The following KCNU1 variants were observed in gnomAD, a reference collection of about 807,000 sequenced individuals.
KCNU1 encodes the protein potassium channel subfamily U member 1.
In KCNU1, 93 loss-of-function variants were observed where a neutral mutation model predicts 126.8. The observed-to-expected ratio is 0.73, with a 90% CI of 0.62 to 0.87. The LOEUF (loss-of-function observed/expected upper bound fraction) is 0.87. Among genes scored for constraint, KCNU1 ranks in the 40% least tolerant of loss-of-function variants. The pLI, the probability that KCNU1 is intolerant of heterozygous loss-of-function variation, is 0.00. For synonymous variants in KCNU1, 523 were observed against 494.2 expected, an observed-to-expected ratio of 1.06 and a Z score of -0.77; for missense variants, 1,330 against 1,367.1, an observed-to-expected ratio of 0.97 and a Z score of 0.43.
At chr8:36,934,115 G>C (rs1808783926) in intron 26 of KCNU1, among the ~76,000 whole-genome samples, 1 of 152,088 alleles carries the variant, frequency 6.6e-6, no homozygotes, top group African/African-American at 2.4e-5. Flanking sequence ...AGTCAGCTGT[G>C]TGATTTATTG....
chr8:36,785,804 A>G (rs1425849735), intron 1 of KCNU1, among the ~76,000 whole-genome samples: 1 of 152,090 alleles, frequency 6.6e-6, no homozygotes, highest in Non-Finnish European at 1.5e-5. Flanking sequence ...CTTCTCCATT[A>G]TGTTCATTTT....
At chr8:36,800,310 G>C (rs10090112) in intron 2 of KCNU1, among the ~76,000 whole-genome samples, 38,215 of 151,996 alleles carry the variant, frequency 0.25, 5,908 homozygotes, top group African/African-American at 0.42. Context: ...CAACTATCCT[G>C]TAACTAAACA....
At chr8:36,912,839 A>G (rs1472738827) in intron 22 of KCNU1, among the ~76,000 whole-genome samples, 3 of 151,114 alleles carry the variant, frequency 2.0e-5, no homozygotes, top group Non-Finnish European at 4.4e-5. Context: ...GTGGTGGCGC[A>G]CGCCTGTAAT....
intron 19 of KCNU1, among the ~76,000 whole-genome samples, chr8:36,865,784 A>C: frequency 6.6e-6 from 1 of 150,644 alleles, no homozygotes; most frequent in East Asian, 1.9e-4. Flanking sequence ...AAAAAAAAAA[A>C]AAAAAAAAAA....
intron 18 of KCNU1, among the ~76,000 whole-genome samples, chr8:36,864,111 C>A (rs1805818748): frequency 6.6e-6 from 1 of 152,068 alleles, no homozygotes; most frequent in African/African-American, 2.4e-5. Flanking sequence ...CATGCTGTAG[C>A]AAATGCACTT....
At position 36,845,866 on chromosome 8, in the gene KCNU1, G is replaced by A. The variant is rs1805125890; in HGVS notation, c.1858G>A (p.Gly620Ser). ...VFIPELITNCGCKSRSRQHIT... is the reference protein window; with the variant it reads ...VFIPELITNCSCKSRSRQHIT... ...CATTCCTGAGCTAATTACAAACTGT[G>A]GCTGCAAAAGCAGAAGCCGGCAGCA... Residue 620 changes from glycine to serine, a missense_variant, in exon 18 of 27, where the codon GGC becomes AGC. This residue lies in a region of KCNU1 where 1,054 missense variants were observed against 1,053.9 expected (regional missense o/e 1.00). Coordinates refer to ENST00000399881, the MANE Select transcript of KCNU1 (RefSeq NM_001031836.3). 2 of 1,605,636 alleles carry A rather than the reference G, an allele frequency of 1.2e-6. No individual in the cohort carries two copies. Among genetic ancestry groups the A allele is most frequent in the African/African-American group, 1.3e-5 (1 of 74,958 alleles).
intron 14 of KCNU1, among the ~76,000 whole-genome samples, chr8:36,839,857 T>G (rs1246786270): frequency 6.6e-6 from 1 of 152,144 alleles, no homozygotes; most frequent in Non-Finnish European, 1.5e-5. Flanking sequence ...AGCCTTTCTG[T>G]TGGGTTGGGT....
chr8:36,914,239 C>G (rs1210576330), intron 22 of KCNU1, among the ~76,000 whole-genome samples: 1 of 152,170 alleles, frequency 6.6e-6, no homozygotes, highest in African/African-American at 2.4e-5. Flanking sequence ...AGTTTTCTAT[C>G]CCTTTCACTA....
At chr8:36,791,570 A>C (rs1241557185) in intron 2 of KCNU1, among the ~76,000 whole-genome samples, 1 of 152,116 alleles carries the variant, frequency 6.6e-6, no homozygotes, top group Non-Finnish European at 1.5e-5. Flanking sequence ...TCCTCTCTGT[A>C]GATAAATTAA....
intron 2 of KCNU1, among the ~76,000 whole-genome samples, chr8:36,803,403 A>C (rs1191299236): frequency 2.0e-5 from 3 of 152,162 alleles, no homozygotes; most frequent in African/African-American, 7.2e-5. Context: ...CAAAGATTTT[A>C]TCCAAACACC....
intron 2 of KCNU1, among the ~76,000 whole-genome samples, chr8:36,796,998 G>A (rs1387504299): frequency 3.3e-5 from 5 of 152,088 alleles, no homozygotes; most frequent in African/African-American, 1.2e-4. Flanking sequence ...AAGAAAGAGA[G>A]AACAGGTATT....
intron 19 of KCNU1, among the ~76,000 whole-genome samples, chr8:36,880,941 G>A (rs1806453294): frequency 6.6e-6 from 1 of 152,120 alleles, no homozygotes; most frequent in South Asian, 2.1e-4. Flanking sequence ...TTGGGGATGG[G>A]ACATGAAGGA....
intron 14 of KCNU1, among the ~76,000 whole-genome samples, chr8:36,837,853 T>C (rs1347050828): frequency 1.3e-5 from 2 of 152,196 alleles, no homozygotes; most frequent in African/African-American, 2.4e-5. Context: ...TCTGAGTCCA[T>C]GCTTGCCTTT....
chr8:36,797,340 C>A (rs1803138536), intron 2 of KCNU1, among the ~76,000 whole-genome samples: 1 of 151,802 alleles, frequency 6.6e-6, no homozygotes, highest in Non-Finnish European at 1.5e-5. Context: ...TTTTTGGCAT[C>A]CTCTAATGTG....
intron 10 of KCNU1, among the ~76,000 whole-genome samples, chr8:36,827,777 A>C (rs1360140130): frequency 2.6e-5 from 4 of 152,160 alleles, no homozygotes; most frequent in Admixed American, 6.5e-5. Context: ...AAAAGGGGGA[A>C]GTTTCACTCA....
At chr8:36,841,090 A>C in intron 16 of KCNU1, 87 bp downstream of exon 16, 1 of 916,944 alleles carries the variant, frequency 1.1e-6, no homozygotes. Context: ...AATTTTTCCA[A>C]AGATGCAGCT....
Position 36,836,931 on chromosome 8 carries a change from G to A in KCNU1, c.1504G>A (p.Glu502Lys), listed in dbSNP as rs1804771901. 1 of 1,613,502 alleles carries A rather than the reference G, an allele frequency of 6.2e-7. No individual in the cohort carries two copies. Among genetic ancestry groups the A allele is most frequent in the Non-Finnish European group, 8.5e-7 (1 of 1,179,658 alleles). Residue 502 changes from glutamate (E) to lysine (K), a missense_variant, in exon 14 of 27, where the codon GAG becomes AAG. Glu to Lys is a moderately conservative substitution (Grantham distance 56, BLOSUM62 1). Coordinates refer to ENST00000399881, the MANE Select transcript of KCNU1 (RefSeq NM_001031836.3). ...TACCTTCCTAACATCTCTATTTGTG[G>A]AGCAAAACAAAAAGGTAACCTTGTA... is the stretch of plus-strand genomic sequence containing the variant. ...LCTFLTSLFV[E>K]QNKKVMPKQT...
At chr8:36,908,944 T>C (rs1466236416) in intron 20 of KCNU1, among the ~76,000 whole-genome samples, 1 of 152,128 alleles carries the variant, frequency 6.6e-6, no homozygotes, top group Non-Finnish European at 1.5e-5. Context: ...TTTCACTGAA[T>C]TTTACTATGG....
chr8:36,931,189 TC>T, intron 25 of KCNU1, 44 bp downstream of exon 25: 5 of 1,399,286 alleles, frequency 3.6e-6, no homozygotes, highest in Non-Finnish European at 4.9e-6. Flanking sequence ...CTTCTTTACC[TC>T]TCTGAGCTTC....
Sources: allele counts gnomAD v4.1 joint callset (sites outside exome capture counted in the v4.1 genomes callset), GRCh38; gene constraint gnomAD v4.1.1; regional missense constraint gnomAD v4.1.1; transcripts MANE v1.5; gene names NCBI Gene and HGNC (gene_info 2026-07-23, HGNC 2026-07-21).